Variants in CLSTN2 observed in about 807,000 individuals in gnomAD.
CLSTN2 encodes calsyntenin-2.
A neutral mutation model predicts 101.2 loss-of-function variants in CLSTN2; 48 were observed. The ratio of observed to expected loss-of-function variants is 0.47; its 90% CI spans 0.38 to 0.60. CLSTN2 has a LOEUF of 0.60. Among genes scored for constraint, CLSTN2 ranks in the 20% least tolerant of loss-of-function variants. The pLI is 0.00. For missense variants in CLSTN2, 1,160 were observed against 1,238.2 expected (o/e 0.94, Z 0.95); for synonymous variants, 481 against 463.6 (o/e 1.04, Z -0.48).
At chr3:140,392,089 T>C (rs2088120554) in intron 2 of CLSTN2, among the ~76,000 whole-genome samples, 1 of 151,974 alleles carries the variant, frequency 6.6e-6, no homozygotes, top group Non-Finnish European at 1.5e-5. Context: ...GTATCCTCTT[T>C]GCTTTACATT....
At chr3:139,957,232 C>T (rs1935422241) in intron 1 of CLSTN2, among the ~76,000 whole-genome samples, 1 of 152,076 alleles carries the variant, frequency 6.6e-6, no homozygotes, top group Admixed American at 6.5e-5. Flanking sequence ...CCACACCTGA[C>T]ACTTCGAGCT....
intron 2 of CLSTN2, among the ~76,000 whole-genome samples, chr3:140,288,453 A>G (rs2107901463): frequency 1.3e-5 from 2 of 152,238 alleles, no homozygotes; most frequent in South Asian, 4.2e-4. Context: ...GCAATCACTA[A>G]ACACCATTTC....
chr3:140,511,060 G>A (rs1351438220), intron 8 of CLSTN2, among the ~76,000 whole-genome samples: 2 of 152,108 alleles, frequency 1.3e-5, no homozygotes, highest in African/African-American at 4.8e-5. Flanking sequence ...CCCCCACCAT[G>A]TGTGTCTATG....
chr3:140,414,453 G>A (rs1194384375), intron 4 of CLSTN2, among the ~76,000 whole-genome samples: 4 of 151,950 alleles, frequency 2.6e-5, no homozygotes, highest in African/African-American at 9.7e-5. Context: ...TTGTTAAAAT[G>A]TTCTACTCAG....
intron 9 of CLSTN2, among the ~76,000 whole-genome samples, chr3:140,543,393 C>T (rs767040081): frequency 1.4e-4 from 21 of 152,226 alleles, no homozygotes; most frequent in Non-Finnish European, 2.4e-4. Context: ...TGGGCCATCT[C>T]AACTAATTCC....
chr3:140,402,030 G>T (rs1417458520), intron 2 of CLSTN2, among the ~76,000 whole-genome samples: 1 of 152,146 alleles, frequency 6.6e-6, no homozygotes, highest in African/African-American at 2.4e-5. Context: ...GGTGGCGGCG[G>T]GGGAGTGGGA....
chr3:140,180,184 T>G (rs1316967798), intron 2 of CLSTN2, among the ~76,000 whole-genome samples: 1 of 152,208 alleles, frequency 6.6e-6, no homozygotes, highest in Non-Finnish European at 1.5e-5. Context: ...CATACCCTCC[T>G]CCCTGCCAGT....
intron 1 of CLSTN2, among the ~76,000 whole-genome samples, chr3:140,044,234 T>A (rs560642833): frequency 0.013 from 1,909 of 152,172 alleles, 46 homozygotes; most frequent in African/African-American, 0.041. Flanking sequence ...CTCCTTGAAG[T>A]GGTCCTTCAC....
At chr3:140,306,260 T>C (rs969671954) in intron 2 of CLSTN2, among the ~76,000 whole-genome samples, 5 of 152,228 alleles carry the variant, frequency 3.3e-5, no homozygotes, top group African/African-American at 1.2e-4. Context: ...TCATCAATAG[T>C]CTGCCACCCA....
intron 1 of CLSTN2, among the ~76,000 whole-genome samples, chr3:139,980,150 C>T (rs112141664): frequency 5.3e-5 from 8 of 152,058 alleles, no homozygotes; most frequent in African/African-American, 1.9e-4. Context: ...CCCTAGGCCC[C>T]CAGTCTGAAA....
intron 2 of CLSTN2, among the ~76,000 whole-genome samples, chr3:140,252,890 T>C (rs995557764): frequency 6.6e-6 from 1 of 151,736 alleles, no homozygotes. Context: ...GCTCATCTGA[T>C]GAAAGCCAGT....
chr3:140,147,338 A>G (rs2009795181), intron 1 of CLSTN2, among the ~76,000 whole-genome samples: 1 of 152,150 alleles, frequency 6.6e-6, no homozygotes, highest in Non-Finnish European at 1.5e-5. Flanking sequence ...TGCAGGCCCC[A>G]TCCTTGAAGG....
At chr3:140,430,495 G>A (rs746277593) in intron 5 of CLSTN2, among the ~76,000 whole-genome samples, 8 of 152,094 alleles carry the variant, frequency 5.3e-5, no homozygotes, top group South Asian at 4.2e-4. Context: ...ATTGGAACAC[G>A]GCCACACTCA....
chr3:140,214,469 G>A (rs565589639), intron 2 of CLSTN2, among the ~76,000 whole-genome samples: 3 of 151,126 alleles, frequency 2.0e-5, no homozygotes, highest in South Asian at 4.2e-4. Flanking sequence ...AAAAGAATAG[G>A]TCCACTTTGA....
intron 2 of CLSTN2, among the ~76,000 whole-genome samples, chr3:140,216,757 G>C (rs1265785416): frequency 6.6e-6 from 1 of 152,150 alleles, no homozygotes; most frequent in Non-Finnish European, 1.5e-5. Context: ...AAACTTCCAA[G>C]TTTTGTACAG....
intron 8 of CLSTN2, among the ~76,000 whole-genome samples, chr3:140,481,379 A>C (rs1294732028): frequency 6.6e-6 from 1 of 152,264 alleles, no homozygotes; most frequent in Admixed American, 6.5e-5. Context: ...GTCAGGTAGC[A>C]TGATGCCTCC....
At chr3:140,153,582 A>G (rs1328112373) in intron 1 of CLSTN2, among the ~76,000 whole-genome samples, 2 of 152,238 alleles carry the variant, frequency 1.3e-5, no homozygotes, top group African/African-American at 4.8e-5. Flanking sequence ...AAGTGTTGTT[A>G]AAAAGGAAAT....
At chr3:139,944,431 G>A (rs1034751641) in intron 1 of CLSTN2, among the ~76,000 whole-genome samples, 1 of 152,216 alleles carries the variant, frequency 6.6e-6, no homozygotes, top group African/African-American at 2.4e-5. Context: ...TATTTCTGGT[G>A]CCCAGCCAAG....
At chr3:140,132,095 G>A (rs2009532210) in intron 1 of CLSTN2, among the ~76,000 whole-genome samples, 1 of 152,140 alleles carries the variant, frequency 6.6e-6, no homozygotes, top group African/African-American at 2.4e-5. Flanking sequence ...CTGATAGATA[G>A]CTCACATGGA....
Sources: allele counts gnomAD v4.1 joint callset (sites outside exome capture counted in the v4.1 genomes callset), GRCh38; gene constraint gnomAD v4.1.1; transcripts MANE v1.5; gene names NCBI Gene and HGNC (gene_info 2026-07-23, HGNC 2026-07-21).